The following MLPH variants were observed in gnomAD, a reference collection of about 807,000 sequenced individuals.
MLPH encodes exophilin-3.
Under a neutral mutation model 72.1 loss-of-function variants are expected in MLPH, and 51 were observed. That is an observed-to-expected ratio of 0.71 (90% CI 0.56 to 0.89). The LOEUF (loss-of-function observed/expected upper bound fraction) is 0.89. Among genes scored for constraint, MLPH ranks in the 40% least tolerant of loss-of-function variants. The probability of loss-of-function intolerance (pLI) is 0.00; values close to 1 mark genes in which losing one functional copy is unlikely to be tolerated. For synonymous variants in MLPH, 301 were observed against 310.1 expected, an observed-to-expected ratio of 0.97 and a Z score of 0.31; for missense variants, 743 against 759.9, an observed-to-expected ratio of 0.98 and a Z score of 0.26.
At chr2:237,533,512 G>A (rs2080467779) in intron 8 of MLPH, among the ~76,000 whole-genome samples, 1 of 148,306 alleles carries the variant, frequency 6.7e-6, no homozygotes, top group African/African-American at 2.5e-5. Context: ...TCCTGCCTCA[G>A]CCTCCCGAGT....
chr2:237,520,833 G>A (rs1263774854), intron 6 of MLPH, among the ~76,000 whole-genome samples: 2 of 152,218 alleles, frequency 1.3e-5, no homozygotes, highest in Non-Finnish European at 2.9e-5. Context: ...AATTAGGTTT[G>A]GAAGTGAAGC....
chr2:237,546,339 C>G (rs1349959434), intron 12 of MLPH: 6 of 495,470 alleles, frequency 1.2e-5, no homozygotes, highest in Non-Finnish European at 1.8e-5. Flanking sequence ...TTTCCTTTAG[C>G]TTGGTGATTG....
chr2:237,511,194 G>A (rs917818773), intron 4 of MLPH, 93 bp downstream of exon 4: 81 of 931,158 alleles, frequency 8.7e-5, no homozygotes, highest in Non-Finnish European at 1.3e-4. Context: ...GTGTGTGTAC[G>A]TGTGTGTGTG....
intron 6 of MLPH, among the ~76,000 whole-genome samples, chr2:237,520,429 C>T (rs1408980081): frequency 3.3e-5 from 5 of 151,868 alleles, no homozygotes. Flanking sequence ...CTCCGTCTTA[C>T]TGGGAGGGGA....
intron 1 of MLPH, 120 bp from the exon 2 acceptor site, chr2:237,493,283 C>G: frequency 1.4e-6 from 1 of 730,306 alleles, no homozygotes; most frequent in Non-Finnish European, 2.5e-6. Flanking sequence ...AACCATTTAA[C>G]CCAAGTACAG....
intron 2 of MLPH, among the ~76,000 whole-genome samples, chr2:237,494,061 C>G (rs922081346): frequency 6.6e-6 from 1 of 152,224 alleles, no homozygotes; most frequent in South Asian, 2.1e-4. Flanking sequence ...CTTCCTCCCC[C>G]CTCTATCTTC....
intron 7 of MLPH, 33 bp downstream of exon 7, chr2:237,525,838 G>T: frequency 6.3e-7 from 1 of 1,597,378 alleles, no homozygotes; most frequent in South Asian, 1.1e-5. Flanking sequence ...TTCCTGATGG[G>T]CTCGGCATGG....
chr2:237,487,102 C>A (rs1456081331), upstream of MLPH: 1 of 152,226 alleles, frequency 6.6e-6, no homozygotes, highest in Non-Finnish European at 1.5e-5. Context: ...GGCTCTCCCC[C>A]GCACTGGCGC....
intron 6 of MLPH, 122 bp downstream of exon 6, chr2:237,520,151 C>A: frequency 1.5e-6 from 2 of 1,339,832 alleles, no homozygotes; most frequent in Non-Finnish European, 2.1e-6. Flanking sequence ...TCCCACCTGG[C>A]TCCCAAGGCA....
At chr2:237,549,103 CAGAA>C in intron 13 of MLPH, 114 bp from the exon 14 acceptor site, 1 of 844,744 alleles carries the variant, frequency 1.2e-6, no homozygotes, top group Non-Finnish European at 2.0e-6. Context: ...TGCTAGAGAG[CAGAA>C]AATAGTGGCC....
intron 13 of MLPH, among the ~76,000 whole-genome samples, chr2:237,548,762 C>A (rs947619748): frequency 1.3e-5 from 2 of 152,184 alleles, no homozygotes; most frequent in African/African-American, 4.8e-5. Flanking sequence ...GCCTGTAGGC[C>A]CAGCTACTCA....
rs1025475588 is a variant in MLPH, at chr2:237,505,950, G to A, written c.111-4624G>A. ...TTCCCTTCCACCCCCATGCATCCCC[G>A]TCTCCAGGGCTCTGTCTCCCCTGGG... On this transcript the variant is annotated intron_variant, in intron 2 of 15. Transcript: ENST00000264605. This position sits in a 1 kb window ranked among gnomAD's most constrained non-coding sequence, Gnocchi z 4.5. 5.9e-5 allele frequency among the ~76,000 whole-genome samples: 9 copies of A among 152,176 alleles called. No individual in the cohort carries two copies. The highest frequency in any genetic ancestry group is 2.1e-4 in the South Asian group (1 of 4,818).
At chr2:237,542,178 T>G (rs1574897054) in intron 11 of MLPH, among the ~76,000 whole-genome samples, 1 of 148,938 alleles carries the variant, frequency 6.7e-6, no homozygotes. Context: ...ACGGGAGGGG[T>G]GGAATGGGGG....
At position 237,520,009 on chromosome 2, in the gene MLPH, GAGGCCAGGGACAGCCCAC is replaced by G; in HGVS notation, c.659_675+1del. The G allele has an allele frequency of 1.2e-6, 2 of 1,613,986 alleles. No homozygotes were observed. Among genetic ancestry groups the G allele is most frequent in the Non-Finnish European group, 1.7e-6 (2 of 1,180,024 alleles). Reference sequence around the variant, plus strand: ...CTCCCTGCACCTGTCCTCAGTCCCTGAGGCCAGGGACAGCCCACAGGTCAGTGGGTCCTCGTGTCTTTC... The same window carrying G: ...CTCCCTGCACCTGTCCTCAGTCCCTGAGGTCAGTGGGTCCTCGTGTCTTTC... On this transcript the variant is annotated inframe_deletion and splice_region_variant, in exon 6 of 16. Transcript: ENST00000264605.
chr2:237,498,849 C>A (rs571404266), intron 2 of MLPH, among the ~76,000 whole-genome samples: 1 of 152,320 alleles, frequency 6.6e-6, no homozygotes, highest in East Asian at 1.9e-4. Context: ...GATGTTAGCA[C>A]CACTGGCATC....
intron 7 of MLPH, among the ~76,000 whole-genome samples, chr2:237,527,063 TA>T (rs1451335132): frequency 6.6e-6 from 1 of 152,200 alleles, no homozygotes; most frequent in African/African-American, 2.4e-5. Flanking sequence ...TTTATGATCT[TA>T]TCATGGAATC....
In MLPH at chr2:237,510,863, C is replaced by A; in HGVS notation, c.332+68C>A. On this transcript the variant is annotated intron_variant, in intron 3 of 15. Transcript: ENST00000264605. The surrounding 1 kb of genome is among the most constrained non-coding windows in gnomAD (Gnocchi z 4.4). Reference sequence around the variant, plus strand: ...GATCTGGCGTGTCCCTTCCATGGGGCTAGCTGAAGAAGGGTGGACGCACAC... The same window carrying A: ...GATCTGGCGTGTCCCTTCCATGGGGATAGCTGAAGAAGGGTGGACGCACAC... 1 of 1,585,754 alleles carries A rather than the reference C, an allele frequency of 6.3e-7. No individual in the cohort carries two copies. The highest frequency in any genetic ancestry group is 8.7e-7 in the Non-Finnish European group (1 of 1,155,652).
chr2:237,507,979 G>T (rs2079811998), intron 2 of MLPH, among the ~76,000 whole-genome samples: 1 of 152,144 alleles, frequency 6.6e-6, no homozygotes, highest in Admixed American at 6.5e-5. Context: ...TGGCACAAGA[G>T]CTTCCTGTCC....
intron 2 of MLPH, among the ~76,000 whole-genome samples, chr2:237,503,392 G>T (rs548442864): frequency 1.1e-4 from 17 of 152,072 alleles, no homozygotes; most frequent in Non-Finnish European, 1.5e-4. Context: ...TCGTCATCTT[G>T]GTCTTCCCCT....
Sources: allele counts gnomAD v4.1 joint callset (sites outside exome capture counted in the v4.1 genomes callset), GRCh38; gene constraint gnomAD v4.1.1; non-coding constraint Gnocchi (gnomAD v3.1); transcripts MANE v1.5; gene names NCBI Gene and HGNC (gene_info 2026-07-23, HGNC 2026-07-21).